APLF: variants seen among roughly 807,000 people sequenced by gnomAD.
The protein encoded by APLF is aprataxin and PNKP like factor.
In APLF, 61 loss-of-function variants were observed where a neutral mutation model predicts 55.6. The observed-to-expected ratio is 1.10, with a 90% CI of 0.89 to 1.36. The LOEUF (loss-of-function observed/expected upper bound fraction) is 1.36. Among genes scored for constraint, APLF ranks in the 40% most tolerant of loss-of-function variants. The pLI, the probability that APLF is intolerant of heterozygous loss-of-function variation, is 0.00. For missense variants in APLF, 611 were observed against 602.5 expected, an observed-to-expected ratio of 1.01 and a Z score of -0.15; for synonymous variants, 207 against 214.8, an observed-to-expected ratio of 0.96 and a Z score of 0.32.
At chr2:68,517,104 AAT>A (rs1336136360) in intron 5 of APLF, among the ~76,000 whole-genome samples, 1 of 124,528 alleles carries the variant, frequency 8.0e-6, no homozygotes, top group East Asian at 2.2e-4. Flanking sequence ...ATAATATACT[AAT>A]ATATAATAAT....
chr2:68,486,278 A>C (rs1418362548), intron 1 of APLF, among the ~76,000 whole-genome samples: 1 of 152,096 alleles, frequency 6.6e-6, no homozygotes, highest in Non-Finnish European at 1.5e-5. Context: ...GGTATTTTGA[A>C]GCCAAAATCT....
At chr2:68,481,211 T>A (rs1243311476) in intron 1 of APLF, among the ~76,000 whole-genome samples, 1 of 152,192 alleles carries the variant, frequency 6.6e-6, no homozygotes, top group Admixed American at 6.5e-5. Flanking sequence ...TTTAAAAGTT[T>A]GGTAGAATTC....
At chr2:68,500,893 C>G (rs1192424984) in intron 2 of APLF, among the ~76,000 whole-genome samples, 1 of 152,166 alleles carries the variant, frequency 6.6e-6, no homozygotes, top group African/African-American at 2.4e-5. Flanking sequence ...CTCAACCTGC[C>G]AAGAGCCAGA....
intron 1 of APLF, among the ~76,000 whole-genome samples, chr2:68,482,756 C>T (rs1676002987): frequency 6.6e-6 from 1 of 152,118 alleles, no homozygotes; most frequent in Admixed American, 6.5e-5. Flanking sequence ...TTCCACCAGA[C>T]TGTTTCCTCA....
In APLF at chr2:68,513,298, G is replaced by T. The variant is rs142521999; in HGVS notation, c.489+71G>T. On this transcript the variant is annotated intron_variant, in intron 4 of 9. Coordinates refer to ENST00000303795, the MANE Select transcript of APLF (RefSeq NM_173545.3). ...TATTATGAAGGCAGAAAAGACAACT[G>T]AAATTAGGCCTATTATGACAATATT... The T allele has an allele frequency of 2.3e-3, 3,459 of 1,484,518 alleles. 8 individuals carry two copies. The highest frequency in any genetic ancestry group is 4.1e-3 in the Middle Eastern group (23 of 5,606). 92.0% of individuals were successfully genotyped at this position (1,484,518 alleles called of 1,614,324 possible).
chr2:68,488,588 A>T (rs1030704064), intron 1 of APLF, among the ~76,000 whole-genome samples: 1 of 151,940 alleles, frequency 6.6e-6, no homozygotes, highest in Non-Finnish European at 1.5e-5. Flanking sequence ...TTCCCACTTC[A>T]GCCTCCCAAA....
intron 1 of APLF, among the ~76,000 whole-genome samples, chr2:68,472,650 G>A (rs1448493884): frequency 6.6e-6 from 1 of 152,126 alleles, no homozygotes; most frequent in Non-Finnish European, 1.5e-5. Context: ...AGCATGTTGA[G>A]TTTGACTGTG....
chr2:68,479,850 G>A (rs891039798), intron 1 of APLF, among the ~76,000 whole-genome samples: 3 of 152,050 alleles, frequency 2.0e-5, no homozygotes, highest in Non-Finnish European at 4.4e-5. Flanking sequence ...GATAGCATGA[G>A]CAGCTCTTCC....
In APLF at chr2:68,469,291, G is replaced by A. The variant is rs74943604; in HGVS notation, c.96+1464G>A. Among the ~76,000 whole-genome samples, 116 of 152,190 alleles carry A rather than the reference G, an allele frequency of 7.6e-4. 2 individuals carry two copies. In the East Asian group the frequency reaches 0.021, roughly 28 times the overall value. ...TCTGGTGACTAACGAGTTTTGACTTGCTTAAGAAATTGTCACCAGTAGAGT... is the reference window on the plus strand; with the variant it reads ...TCTGGTGACTAACGAGTTTTGACTTACTTAAGAAATTGTCACCAGTAGAGT... On this transcript the variant is annotated intron_variant, in intron 1 of 9. Coordinates refer to ENST00000303795, the MANE Select transcript of APLF (RefSeq NM_173545.3).
At chr2:68,484,056 TCAAA>T (rs1403059339) in intron 1 of APLF, among the ~76,000 whole-genome samples, 3 of 152,140 alleles carry the variant, frequency 2.0e-5, no homozygotes, top group Non-Finnish European at 4.4e-5. Flanking sequence ...AGAATTGCAG[TCAAA>T]CAAACAGATC....
chr2:68,478,171 AAAAAG>A (rs1427514597), intron 1 of APLF, among the ~76,000 whole-genome samples: 1 of 152,168 alleles, frequency 6.6e-6, no homozygotes, highest in Non-Finnish European at 1.5e-5. Context: ...GGCAGAAAAA[AAAAAG>A]AAAAGAAAAA....
chr2:68,543,939 C>T (rs1400786033), intron 7 of APLF, among the ~76,000 whole-genome samples: 3 of 151,868 alleles, frequency 2.0e-5, no homozygotes, highest in Admixed American at 2.0e-4. Context: ...CCTGGATGTC[C>T]CCAGAACACG....
intron 5 of APLF, among the ~76,000 whole-genome samples, chr2:68,525,796 CTGG>C (rs2103981896): frequency 8.2e-6 from 1 of 121,692 alleles, no homozygotes; most frequent in Non-Finnish European, 1.6e-5. Flanking sequence ...GTCACCCAGA[CTGG>C]AGTGCAGTGG....
At chr2:68,475,868 C>T (rs1182601415) in intron 1 of APLF, among the ~76,000 whole-genome samples, 1 of 149,328 alleles carries the variant, frequency 6.7e-6, no homozygotes, top group Non-Finnish European at 1.5e-5. Flanking sequence ...AGTCTGGATT[C>T]AGTTTAAGTC....
chr2:68,531,270 T>G (rs1670247746), intron 6 of APLF: 1 of 152,228 alleles, frequency 6.6e-6, no homozygotes, highest in East Asian at 1.9e-4. Flanking sequence ...GCTTCCTCTC[T>G]AGCGAGAGGT....
At chr2:68,484,600 G>A (rs1676068852) in intron 1 of APLF, among the ~76,000 whole-genome samples, 1 of 151,788 alleles carries the variant, frequency 6.6e-6, no homozygotes, top group South Asian at 2.1e-4. Flanking sequence ...GCTGAGGCAG[G>A]AGAATAGCTT....
intron 2 of APLF, among the ~76,000 whole-genome samples, chr2:68,492,905 A>T (rs896882830): frequency 2.6e-5 from 4 of 152,204 alleles, no homozygotes; most frequent in Admixed American, 6.5e-5. Context: ...TGATGTTTAG[A>T]CATGGGAGAA....
intron 8 of APLF, among the ~76,000 whole-genome samples, chr2:68,555,631 A>C (rs6737186): frequency 0.23 from 34,292 of 151,992 alleles, 5,985 homozygotes; most frequent in African/African-American, 0.5. Context: ...TAATCAAAAT[A>C]CTAATCAAAA....
At chr2:68,495,884 G>A (rs1676530325) in intron 2 of APLF, among the ~76,000 whole-genome samples, 1 of 152,206 alleles carries the variant, frequency 6.6e-6, no homozygotes, top group African/African-American at 2.4e-5. Flanking sequence ...GCTGTATGTG[G>A]GGTCCTTTGA....
Sources: allele counts gnomAD v4.1 joint callset (sites outside exome capture counted in the v4.1 genomes callset), GRCh38; gene constraint gnomAD v4.1.1; transcripts MANE v1.5; gene names NCBI Gene and HGNC (gene_info 2026-07-23, HGNC 2026-07-21).